Variants in SEPTIN9 observed in about 807,000 individuals in gnomAD.
SEPTIN9 encodes the protein septin 9, also known as septin-9.
In SEPTIN9, 13 loss-of-function variants were observed where a neutral mutation model predicts 56.6. The ratio of observed to expected loss-of-function variants is 0.23; its 90% confidence interval spans 0.15 to 0.37. The LOEUF (loss-of-function observed/expected upper bound fraction) is 0.37. SEPTIN9 is among the 10% of genes least tolerant of loss of function. SEPTIN9 has a pLI of 1.00. For synonymous variants in SEPTIN9, 332 were observed against 334.1 expected (o/e 0.99, Z 0.07); for missense variants, 650 against 823.1 (o/e 0.79, Z 2.57).
chr17:77,309,865 T>A (rs1288074047), intron 2 of SEPTIN9, among the ~76,000 whole-genome samples: 2 of 152,206 alleles, frequency 1.3e-5, no homozygotes, highest in African/African-American at 4.8e-5. Context: ...CAGCCCTGGG[T>A]GACCTTCTCC....
At chr17:77,409,498 G>A (rs993779292) in intron 3 of SEPTIN9, among the ~76,000 whole-genome samples, 4 of 152,084 alleles carry the variant, frequency 2.6e-5, no homozygotes, top group Non-Finnish European at 5.9e-5. Flanking sequence ...TAAATAGAGC[G>A]CAGCTGCGGG....
chr17:77,422,048 G>T (rs1379128594), intron 3 of SEPTIN9, among the ~76,000 whole-genome samples: 1 of 151,978 alleles, frequency 6.6e-6, no homozygotes, highest in Non-Finnish European at 1.5e-5. Context: ...TGTAGAAATG[G>T]AGTCTTACTA....
chr17:77,396,513 G>A (rs908755921), intron 2 of SEPTIN9, among the ~76,000 whole-genome samples: 1 of 152,174 alleles, frequency 6.6e-6, no homozygotes, highest in Non-Finnish European at 1.5e-5. Flanking sequence ...ACAAGGACCT[G>A]CTACCCCTGG....
chr17:77,493,751 C>T (rs1052752349), intron 10 of SEPTIN9, among the ~76,000 whole-genome samples: 3 of 150,300 alleles, frequency 2.0e-5, no homozygotes, highest in East Asian at 2.0e-4. Flanking sequence ...GTCTCTGTCC[C>T]GTCCCTCCTC....
chr17:77,355,704 CG>C (rs1568010786), intron 2 of SEPTIN9, among the ~76,000 whole-genome samples: 1 of 151,698 alleles, frequency 6.6e-6, no homozygotes, highest in African/African-American at 2.4e-5. Flanking sequence ...GCTCCCTGGC[CG>C]GGCGCGGTGG....
chr17:77,390,367 G>A (rs1207861951), intron 2 of SEPTIN9, among the ~76,000 whole-genome samples: 9 of 122,708 alleles, frequency 7.3e-5, no homozygotes, highest in Admixed American at 7.9e-5. Flanking sequence ...AAAAAAAAAA[G>A]GAGTAGAGAA....
intron 3 of SEPTIN9, chr17:77,466,265 A>T (rs376553567): frequency 3.3e-5 from 12 of 368,640 alleles, no homozygotes; most frequent in African/African-American, 2.6e-4. Flanking sequence ...TCAGAGATGC[A>T]GCCGAGGAGC....
chr17:77,301,188 C>A (rs2032037424), intron 1 of SEPTIN9, among the ~76,000 whole-genome samples: 1 of 152,100 alleles, frequency 6.6e-6, no homozygotes, highest in African/African-American at 2.4e-5. Context: ...CATGACCCAC[C>A]TTTCCCCAGG....
intron 2 of SEPTIN9, among the ~76,000 whole-genome samples, chr17:77,401,319 T>C (rs887059611): frequency 6.4e-4 from 98 of 152,114 alleles, no homozygotes; most frequent in African/African-American, 2.1e-3. Context: ...GCGGTTCTGA[T>C]TGGTTACAGT....
intron 3 of SEPTIN9, among the ~76,000 whole-genome samples, chr17:77,455,273 G>A (rs2038148360): frequency 6.6e-6 from 1 of 152,156 alleles, no homozygotes; most frequent in African/African-American, 2.4e-5. Flanking sequence ...GACGTTGATG[G>A]AGTTGCTGAC....
chr17:77,498,388 C>G, intron 11 of SEPTIN9, 135 bp from the exon 12 acceptor site: 1 of 651,246 alleles, frequency 1.5e-6, no homozygotes, highest in Non-Finnish European at 2.7e-6. Context: ...CCATGGGGAG[C>G]CAAGCAGTCG....
intron 10 of SEPTIN9, 178 bp downstream of exon 10, chr17:77,493,254 G>T: frequency 3.2e-6 from 2 of 627,454 alleles, no homozygotes; most frequent in Non-Finnish European, 5.7e-6. Flanking sequence ...GAGAGGGCAA[G>T]TGGCCTGTGC....
At chr17:77,406,036 A>G (rs1488255938) in intron 3 of SEPTIN9, among the ~76,000 whole-genome samples, 1 of 152,226 alleles carries the variant, frequency 6.6e-6, no homozygotes, top group Non-Finnish European at 1.5e-5. Context: ...GCGGGAGGGC[A>G]TCTGTGCTGT....
Position 77,373,496 on chromosome 17 carries a change from T to C in SEPTIN9, c.77-28563T>C, listed in dbSNP as rs7217986. On this transcript the variant is annotated intron_variant, in intron 2 of 11. Transcript: ENST00000427177. ...CGCGCGACCCGCTGCCCACCAGCCATCATGTCGGACCCCGCGGTCAACGCG... is the reference window on the plus strand; with the variant it reads ...CGCGCGACCCGCTGCCCACCAGCCACCATGTCGGACCCCGCGGTCAACGCG... The C allele has an allele frequency of 0.44, 682,082 of 1,535,176 alleles. 158,757 individuals carry two copies. Among genetic ancestry groups the C allele is most frequent in the Non-Finnish European group, 0.48 (552,019 of 1,139,764 alleles).
Position 77,326,980 on chromosome 17 carries a change from C to G in SEPTIN9, c.76+19783C>G, listed in dbSNP as rs2033164321. 6.6e-6 allele frequency among the ~76,000 whole-genome samples: 1 copy of G among 152,014 alleles called. No individual in the cohort carries two copies. The highest frequency in any genetic ancestry group is 6.5e-5 in the Admixed American group (1 of 15,276). On this transcript the variant is annotated intron_variant, in intron 2 of 11. Coordinates refer to ENST00000427177, the MANE Select transcript of SEPTIN9 (RefSeq NM_001113491.2). The surrounding 1 kb of genome is among the most constrained non-coding windows in gnomAD (Gnocchi z 5.1). ...CACATGGAAGCTCTGCGTCCCTCCC[C>G]CATACCTTGCCCTACACATCTCTTC...
chr17:77,451,952 C>G lies in SEPTIN9; in HGVS notation c.722-30192C>G, dbSNP rs540584072. Among the ~76,000 whole-genome samples the G allele has an allele frequency of 6.6e-6, 1 of 152,338 alleles. No homozygotes were observed. Among genetic ancestry groups the G allele is most frequent in the South Asian group, 2.1e-4 (1 of 4,828 alleles). The stretch of plus-strand genomic sequence containing the variant: ...TAAAATCACTCCGCTCAAGTTATCA[C>G]CCCTCTGGGCTCCCGAAGACCGGCT... On this transcript the variant is annotated intron_variant, in intron 3 of 11. Transcript: ENST00000427177. This position sits in a 1 kb window ranked among gnomAD's most constrained non-coding sequence, Gnocchi z 4.2.
At chr17:77,398,408 T>C (rs2035793595) in intron 2 of SEPTIN9, among the ~76,000 whole-genome samples, 1 of 151,892 alleles carries the variant, frequency 6.6e-6, no homozygotes, top group Admixed American at 6.6e-5. Flanking sequence ...GTGGCCAGGA[T>C]GACATGGGGA....
chr17:77,413,528 C>T (rs1471096805), intron 3 of SEPTIN9, among the ~76,000 whole-genome samples: 3 of 152,194 alleles, frequency 2.0e-5, no homozygotes. Flanking sequence ...GGTGTGCAAA[C>T]ATGACTGACT....
intron 4 of SEPTIN9, among the ~76,000 whole-genome samples, chr17:77,484,913 ATGG>A (rs1282266844): frequency 4.3e-4 from 13 of 30,548 alleles, no homozygotes; most frequent in African/African-American, 1.3e-3. Flanking sequence ...GATGGTGATG[ATGG>A]TGGTGATTGT....
Sources: allele counts gnomAD v4.1 joint callset (sites outside exome capture counted in the v4.1 genomes callset), GRCh38; gene constraint gnomAD v4.1.1; non-coding constraint Gnocchi (gnomAD v3.1); transcripts MANE v1.5; gene names NCBI Gene and HGNC (gene_info 2026-07-23, HGNC 2026-07-21).